The following JARID2 variants were observed in gnomAD, a reference collection of about 807,000 sequenced individuals.
JARID2 encodes jumonji and AT-rich interaction domain containing 2, also known as protein Jumonji.
JARID2 carries 21 observed loss-of-function variants against 125.6 expected under a neutral mutation model. That is an observed-to-expected ratio of 0.17 (90% CI 0.12 to 0.24). The LOEUF (loss-of-function observed/expected upper bound fraction) is 0.24. Among genes scored for constraint, JARID2 ranks in the 10% least tolerant of loss-of-function variants. The pLI is 1.00. For missense variants in JARID2, 1,303 were observed against 1,639.6 expected, an observed-to-expected ratio of 0.79 and a Z score of 3.55; for synonymous variants, 736 against 661.6, an observed-to-expected ratio of 1.11 and a Z score of -1.73.
At chr6:15,369,897 G>A (rs1463258199) in intron 1 of JARID2, among the ~76,000 whole-genome samples, 3 of 152,218 alleles carry the variant, frequency 2.0e-5, no homozygotes, top group East Asian at 3.9e-4. Context: ...GCTGAGGAAC[G>A]AGTGGTAGCA....
chr6:15,246,634 C>G (rs1330030008), intron 1 of JARID2, 50 bp downstream of exon 1: 1 of 1,419,640 alleles, frequency 7.0e-7, no homozygotes, highest in Admixed American at 1.7e-5. Context: ...TAAGCAATGG[C>G]TGTGAATGTC....
intron 1 of JARID2, among the ~76,000 whole-genome samples, chr6:15,277,031 ATG>A (rs1760551082): frequency 6.6e-6 from 1 of 152,212 alleles, no homozygotes; most frequent in Non-Finnish European, 1.5e-5. Flanking sequence ...TCAGTTCTTC[ATG>A]AATGAGTTCT....
chr6:15,473,514 G>GCCGCC (rs1451318951), intron 5 of JARID2, among the ~76,000 whole-genome samples: 1 of 35,068 alleles, frequency 2.9e-5, no homozygotes, highest in African/African-American at 7.2e-5. Context: ...TGATGTGCGT[G>GCCGCC]CCCCCCCCCC....
At chr6:15,359,870 A>G (rs1446833122) in intron 1 of JARID2, among the ~76,000 whole-genome samples, 1 of 152,080 alleles carries the variant, frequency 6.6e-6, no homozygotes, top group Non-Finnish European at 1.5e-5. Flanking sequence ...TGTTCTTAGT[A>G]GAGATGGCAT....
chr6:15,385,659 C>T (rs957034624), intron 2 of JARID2, among the ~76,000 whole-genome samples: 6 of 152,090 alleles, frequency 3.9e-5, no homozygotes, highest in Non-Finnish European at 8.8e-5. Context: ...TCTCCGAAGT[C>T]TGTGTTGTGT....
intron 1 of JARID2, among the ~76,000 whole-genome samples, chr6:15,372,490 G>A (rs1156788606): frequency 6.6e-6 from 1 of 151,980 alleles, no homozygotes; most frequent in African/African-American, 2.4e-5. Context: ...CTCCCCAGTA[G>A]CTGGGACTAC....
chr6:15,305,715 G>A (rs1423784298), intron 1 of JARID2, among the ~76,000 whole-genome samples: 1 of 152,098 alleles, frequency 6.6e-6, no homozygotes, highest in African/African-American at 2.4e-5. Context: ...CAGGGTTCTT[G>A]GCCTTGATTC....
chr6:15,430,729 C>G (rs1009769960), intron 3 of JARID2, among the ~76,000 whole-genome samples: 5 of 152,140 alleles, frequency 3.3e-5, no homozygotes, highest in African/African-American at 4.8e-5. Context: ...GTGGGGCATG[C>G]TTTCCAGTCC....
At chr6:15,360,887 A>G (rs1763768329) in intron 1 of JARID2, among the ~76,000 whole-genome samples, 1 of 152,242 alleles carries the variant, frequency 6.6e-6, no homozygotes, top group African/African-American at 2.4e-5. Context: ...AGGTCCGCCA[A>G]CCTTGACTTG....
chr6:15,279,091 CAA>C (rs35041079), intron 1 of JARID2, among the ~76,000 whole-genome samples: 16 of 110,416 alleles, frequency 1.4e-4, no homozygotes, highest in African/African-American at 2.5e-4. Flanking sequence ...ACTGTGTCTC[CAA>C]AAAAAAAAAA....
At chr6:15,326,068 T>A (rs1206914459) in intron 1 of JARID2, among the ~76,000 whole-genome samples, 1 of 152,254 alleles carries the variant, frequency 6.6e-6, no homozygotes, top group Non-Finnish European at 1.5e-5. Flanking sequence ...AATATCAATG[T>A]GTATATGAAA....
intron 12 of JARID2, chr6:15,509,312 G>A: frequency 3.0e-6 from 3 of 985,378 alleles, no homozygotes; most frequent in Non-Finnish European, 3.6e-6. Flanking sequence ...TGCTGACTGT[G>A]TTTATTGCCC....
chr6:15,417,752 T>C (rs1290466195), intron 3 of JARID2, among the ~76,000 whole-genome samples: 1 of 152,074 alleles, frequency 6.6e-6, no homozygotes, highest in Non-Finnish European at 1.5e-5. Flanking sequence ...AAAAAAAAAC[T>C]AAATAAGCGA....
rs35773283 is a variant in JARID2, at chr6:15,420,399, TA to T, written c.323+10048del. Among the ~76,000 whole-genome samples, 735 of 143,386 alleles carry T rather than the reference TA, an allele frequency of 5.1e-3. 2 individuals are homozygous for T. The highest frequency in any genetic ancestry group is 6.7e-3 in the Non-Finnish European group (437 of 65,546). 94.1% of individuals were successfully genotyped at this position (143,386 alleles called of 152,430 possible). A position where few individuals can be genotyped will look rare whatever the true frequency, so the allele number is the denominator to read the frequency against. ...GCCTGGGTGACAGAGCAAGACTCCATAAAAAAAAAAAAAAGAAGTTAGATTT... is the reference window on the plus strand; with the variant it reads ...GCCTGGGTGACAGAGCAAGACTCCATAAAAAAAAAAAAAGAAGTTAGATTT... On this transcript the variant is annotated intron_variant, in intron 3 of 17. Transcript: ENST00000341776.
intron 1 of JARID2, among the ~76,000 whole-genome samples, chr6:15,355,181 T>G (rs959795304): frequency 6.6e-6 from 1 of 152,228 alleles, no homozygotes; most frequent in African/African-American, 2.4e-5. Context: ...ATAAAGGAAT[T>G]ATCTGCCTGT....
intron 1 of JARID2, among the ~76,000 whole-genome samples, chr6:15,299,336 G>C (rs957636193): frequency 1.2e-4 from 19 of 152,192 alleles, no homozygotes; most frequent in African/African-American, 3.6e-4. Context: ...TTTTAGGTGT[G>C]TGTACAACAG....
chr6:15,408,380 T>C (rs556396608), intron 2 of JARID2, among the ~76,000 whole-genome samples: 69 of 152,288 alleles, frequency 4.5e-4, no homozygotes, highest in African/African-American at 1.6e-3. Context: ...TTCTCTATGG[T>C]AATTTATCCA....
chr6:15,507,501 A>C, intron 11 of JARID2, 85 bp downstream of exon 11: 4 of 1,146,950 alleles, frequency 3.5e-6, no homozygotes, highest in Non-Finnish European at 5.2e-6. Context: ...AATCCCTTCT[A>C]AGCACTGCCG....
intron 1 of JARID2, among the ~76,000 whole-genome samples, chr6:15,277,840 G>A (rs1424718165): frequency 1.3e-5 from 2 of 150,706 alleles, no homozygotes; most frequent in African/African-American, 4.9e-5. Flanking sequence ...TCAAGAGAAA[G>A]TTGGCAAAGA....
Sources: gnomAD v4.1 joint callset for allele counts (sites outside exome capture counted in the v4.1 genomes callset) on GRCh38, gnomAD v4.1.1 for gene constraint, MANE v1.5 for transcripts, NCBI Gene and HGNC (gene_info 2026-07-23, HGNC 2026-07-21) for gene names.